The following COX15 variants were observed in gnomAD, a reference collection of about 807,000 sequenced individuals.
COX15 encodes the protein cytochrome c oxidase assembly factor COX15.
COX15 carries 51 observed loss-of-function variants against 51.9 expected under a neutral mutation model. The observed-to-expected ratio is 0.98, with a 90% CI of 0.78 to 1.24. COX15 has a LOEUF of 1.24. COX15 is among the 50% of genes most tolerant of loss of function. COX15 has a pLI of 0.00. For synonymous variants in COX15, 188 were observed against 190.5 expected (o/e 0.99, Z 0.11); for missense variants, 420 against 501.1 (o/e 0.84, Z 1.55).
chr10:99,712,987 G>C lies in COX15; in HGVS notation c.*1600C>G, dbSNP rs576276908. 9.2e-5 allele frequency: 94 copies of C among 1,024,900 alleles called. No individual in the cohort carries two copies. In the African/African-American group the frequency reaches 1.5e-3, roughly 16 times the overall value. 63.5% of individuals were successfully genotyped at this position (1,024,900 alleles called of 1,614,324 possible). Reference sequence around the variant, plus strand: ...CCTAGTTCCTTCACCTATTCCCTGTGTGACAGGGGTTCTGGACTCATCATT... The same window carrying C: ...CCTAGTTCCTTCACCTATTCCCTGTCTGACAGGGGTTCTGGACTCATCATT... On this transcript the variant is annotated 3_prime_UTR_variant, in exon 9 of 9. Coordinates refer to ENST00000016171, the MANE Select transcript of COX15 (RefSeq NM_078470.6).
chr10:99,698,544 C>G, the COX15 span: 1 of 1,613,452 alleles, frequency 6.2e-7, no homozygotes, highest in South Asian at 1.1e-5. Flanking sequence ...ATTGCTTGGT[C>G]AGAAGACAGG....
rs757725009 is a variant in COX15 at position 99,716,420 on chromosome 10, G to T, written c.1029C>A (p.Leu343=). The change falls in exon 8 of 9, where the codon CTC becomes CTA. Residue 343 remains leucine (L), a synonymous_variant. Transcript: ENST00000016171. ...TTCTAGGAAGGGGAATTCTCCGAGAGAGGAAGTAGAGCACTGTAATGGCAG... is the reference window on the plus strand; with the variant it reads ...TTCTAGGAAGGGGAATTCTCCGAGATAGGAAGTAGAGCACTGTAATGGCAG... ...SVTAITVLYF[L]SRRIPLPRRT... is the part of the protein sequence containing the mutation. The T allele has an allele frequency of 3.1e-6, 5 of 1,614,028 alleles. No individual in the cohort carries two copies. The South Asian group carries it at 5.5e-5, about 18-fold the overall frequency.
intron 1 of COX15, 59 bp downstream of exon 1, chr10:99,731,901 T>TC: frequency 6.4e-7 from 1 of 1,554,796 alleles, no homozygotes; most frequent in Non-Finnish European, 8.7e-7. Flanking sequence ...ATTATCTTTA[T>TC]CCCGGCCCTT....
At position 99,714,265 on chromosome 10, in the gene COX15, T is replaced by C. The variant is rs1358346765; in HGVS notation, c.*322A>G. The C allele has an allele frequency of 1.7e-6, 2 of 1,179,006 alleles. No individual in the cohort carries two copies. Among genetic ancestry groups the C allele is most frequent in the Non-Finnish European group, 2.1e-6 (2 of 939,864 alleles). 73.0% of individuals were successfully genotyped at this position (1,179,006 alleles called of 1,614,324 possible). A position where few individuals can be genotyped will look rare whatever the true frequency, so the allele number is the denominator to read the frequency against. ...CAGGAGAACATCCACGTAGAAATCA[T>C]CCACGTAGAACCAAGAGCTTGCCAA... On this transcript the variant is annotated 3_prime_UTR_variant, in exon 9 of 9. Transcript: ENST00000016171.
the COX15 span, chr10:99,702,456 G>C: frequency 1.3e-3 from 1,872 of 1,434,358 alleles, 19 homozygotes; most frequent in African/African-American, 0.024. Context: ...TATTGCAAAG[G>C]AAAGTATTAG....
intron 2 of COX15, among the ~76,000 whole-genome samples, chr10:99,729,229 A>G (rs2037056821): frequency 1.3e-5 from 2 of 152,136 alleles, no homozygotes; most frequent in African/African-American, 4.8e-5. Flanking sequence ...TGGGAGGCCG[A>G]GGTGGGCAGA....
In COX15 at chr10:99,712,347, C is replaced by T. The variant is rs2036422846; in HGVS notation, c.*2240G>A. On this transcript the variant is annotated 3_prime_UTR_variant, in exon 9 of 9. Coordinates refer to ENST00000016171, the MANE Select transcript of COX15 (RefSeq NM_078470.6). The stretch of plus-strand genomic sequence containing the variant: ...TTTATGGCTCTCAGACACGTTAAGC[C>T]TGCATAACATTTTTTAAAATCTTGA... 1 of 985,410 alleles carries T rather than the reference C, an allele frequency of 1.0e-6. No homozygotes were observed. The highest frequency in any genetic ancestry group is 1.1e-4 in the East Asian group (1 of 8,812). 61.0% of individuals were successfully genotyped at this position (985,410 alleles called of 1,614,324 possible). A position where few individuals can be genotyped will look rare whatever the true frequency, so the allele number is the denominator to read the frequency against.
chr10:99,706,880 C>T (rs1420187011), downstream of COX15, among the ~76,000 whole-genome samples: 4 of 152,146 alleles, frequency 2.6e-5, no homozygotes. Flanking sequence ...ATGATCTAGT[C>T]AGAAGCTACT....
intron 6 of COX15, among the ~76,000 whole-genome samples, chr10:99,720,079 A>G (rs1402771873): frequency 1.3e-5 from 2 of 152,208 alleles, no homozygotes; most frequent in Admixed American, 1.3e-4. Context: ...AAATATCCAC[A>G]TGAGGCTACA....
At position 99,714,266 on chromosome 10, in the gene COX15, C is replaced by T; in HGVS notation, c.*321G>A. The T allele has an allele frequency of 8.5e-7, 1 of 1,178,186 alleles. No homozygotes were observed. The highest frequency in any genetic ancestry group is 1.1e-6 in the Non-Finnish European group (1 of 939,408). The allele number at this position is 1,178,186 out of a possible 1,614,324, so 73.0% of individuals were successfully genotyped here. On this transcript the variant is annotated 3_prime_UTR_variant, in exon 9 of 9. Coordinates refer to ENST00000016171, the MANE Select transcript of COX15 (RefSeq NM_078470.6). ...AGGAGAACATCCACGTAGAAATCAT[C>T]CACGTAGAACCAAGAGCTTGCCAAC...
Position 99,732,018 on chromosome 10 carries a change from G to A in COX15, c.32C>T (p.Ala11Val). 1 of 1,613,204 alleles carries A rather than the reference G, an allele frequency of 6.2e-7. No homozygotes were observed. The highest frequency in any genetic ancestry group is 8.5e-7 in the Non-Finnish European group (1 of 1,179,784). The change falls in exon 1 of 9, where the codon GCC (alanine) becomes GTC (valine). Residue 11 changes from alanine (A) to valine (V), a missense_variant. Physicochemically the swap from Ala to Val is moderately conservative, Grantham distance 64. Coordinates refer to ENST00000016171, the MANE Select transcript of COX15 (RefSeq NM_078470.6). MQRLLFPPLR[A>V]LKGRQYLPLL... Reference sequence around the variant, plus strand: ...CGGCAGATACTGCCTCCCCTTCAAGGCCCTCAACGGCGGAAAGAGCAATCG... The same window carrying A: ...CGGCAGATACTGCCTCCCCTTCAAGACCCTCAACGGCGGAAAGAGCAATCG...
chr10:99,707,625 A>T (rs1233539470), downstream of COX15, among the ~76,000 whole-genome samples: 1 of 152,222 alleles, frequency 6.6e-6, no homozygotes, highest in Non-Finnish European at 1.5e-5. Flanking sequence ...TAACAGAGAC[A>T]ATGAACCTGA....
Position 99,724,011 on chromosome 10 carries a change from A to C in COX15, c.695T>G (p.Val232Gly). The change falls in exon 5 of 9, where the codon GTT (valine) becomes GGT (glycine). Residue 232 changes from valine to glycine, a missense_variant. Val to Gly is a moderately radical substitution (Grantham distance 109). Transcript: ENST00000016171. Reference protein sequence around the residue: ...RLAAHLGSALVLYCASLWTSL... With the variant: ...RLAAHLGSALGLYCASLWTSL... Reference sequence around the variant, plus strand: ...GGTCCACAAGCTGGCACAATAAAGAACCAGGGCTGATCCCAGGTGGGCAGC... The same window carrying C: ...GGTCCACAAGCTGGCACAATAAAGACCCAGGGCTGATCCCAGGTGGGCAGC... 6.2e-7 allele frequency: 1 copy of C among 1,614,050 alleles called. No individual in the cohort carries two copies. Among genetic ancestry groups the C allele is most frequent in the Non-Finnish European group, 8.5e-7 (1 of 1,180,008 alleles).
chr10:99,711,745 G>A lies in COX15; in HGVS notation c.*2842C>T. The A allele has an allele frequency of 1.0e-6, 1 of 985,442 alleles. No homozygotes were observed. Among genetic ancestry groups the A allele is most frequent in the Non-Finnish European group, 1.2e-6 (1 of 829,940 alleles). 61.0% of individuals were successfully genotyped at this position (985,442 alleles called of 1,614,324 possible). A position where few individuals can be genotyped will look rare whatever the true frequency, so the allele number is the denominator to read the frequency against. On this transcript the variant is annotated 3_prime_UTR_variant, in exon 9 of 9. Coordinates refer to ENST00000016171, the MANE Select transcript of COX15 (RefSeq NM_078470.6). ...GAATCTCTTCTAGGCAATAGCATAA[G>A]CCCAGCCAGGGTCCAGCATTTATGA...
downstream of COX15, chr10:99,710,110 A>T: frequency 5.1e-6 from 5 of 985,454 alleles, no homozygotes; most frequent in African/African-American, 8.7e-5. Flanking sequence ...TTAAAGGGCA[A>T]CCACTTGTAT....
Position 99,712,924 on chromosome 10 carries a change from G to GCT in COX15, c.*1661_*1662dup. 1 of 772,838 alleles carries GCT rather than the reference G, an allele frequency of 1.3e-6. No homozygotes were observed. The highest frequency in any genetic ancestry group is 1.6e-6 in the Non-Finnish European group (1 of 632,664). The allele number at this position is 772,838 out of a possible 1,614,324, so 47.9% of individuals were successfully genotyped here. A position where few individuals can be genotyped will look rare whatever the true frequency, so the allele number is the denominator to read the frequency against. On this transcript the variant is annotated 3_prime_UTR_variant, in exon 9 of 9. Coordinates refer to ENST00000016171, the MANE Select transcript of COX15 (RefSeq NM_078470.6). ...TCAACTTCTCAAGGACAGGAATCTT[G>GCT]CTCTCTCTCCAGATGTTCTCTGCTC...
the COX15 span, among the ~76,000 whole-genome samples, chr10:99,701,659 C>CA: frequency 6.6e-6 from 1 of 151,954 alleles, no homozygotes. Context: ...AGAATAGCAA[C>CA]ATAAACCCTC....
At chr10:99,727,403 C>G in intron 3 of COX15, 38 bp downstream of exon 3, 1 of 1,609,064 alleles carries the variant, frequency 6.2e-7, no homozygotes, top group Non-Finnish European at 8.5e-7. Flanking sequence ...ATCAAATGGG[C>G]CTACTGGGAT....
At chr10:99,709,068 CT>C (rs2036307555), downstream of COX15, 1 of 982,382 alleles carries the variant, frequency 1.0e-6, no homozygotes, top group South Asian at 4.7e-5. Flanking sequence ...TCTTTTCGTA[CT>C]TTTAAATTTT....
Sources: allele counts gnomAD v4.1 joint callset (sites outside exome capture counted in the v4.1 genomes callset), GRCh38; gene constraint gnomAD v4.1.1; transcripts MANE v1.5; gene names NCBI Gene and HGNC (gene_info 2026-07-23, HGNC 2026-07-21).